GALNT13: variants seen among roughly 807,000 people sequenced by gnomAD.
GALNT13 encodes the protein polypeptide N-acetylgalactosaminyltransferase 13.
A neutral mutation model predicts 64.2 loss-of-function variants in GALNT13; 28 were observed. The observed-to-expected ratio is 0.44, with a 90% confidence interval of 0.32 to 0.60. The LOEUF (loss-of-function observed/expected upper bound fraction) is 0.60, where lower values mean the gene tolerates loss of function less well. GALNT13 is among the 20% of genes least tolerant of loss of function. The pLI is 0.05. For synonymous variants in GALNT13, 214 were observed against 224.6 expected (o/e 0.95, Z 0.42); for missense variants, 577 against 669.8 (o/e 0.86, Z 1.53).
At chr2:153,554,225 G>T in the GALNT13 span, among the ~76,000 whole-genome samples, 1 of 151,984 alleles carries the variant, frequency 6.6e-6, no homozygotes, top group Non-Finnish European at 1.5e-5. Context: ...TACTGGGGAG[G>T]CTGAGGCAGG....
At chr2:153,927,210 CAAAG>C (rs1193099120) in intron 2 of GALNT13, among the ~76,000 whole-genome samples, 8 of 151,904 alleles carry the variant, frequency 5.3e-5, no homozygotes, top group Non-Finnish European at 8.8e-5. Flanking sequence ...TTTCTATCTG[CAAAG>C]AAAGAAAGGA....
the GALNT13 span, among the ~76,000 whole-genome samples, chr2:153,573,120 T>C: frequency 1.3e-5 from 2 of 152,172 alleles, no homozygotes; most frequent in Admixed American, 1.3e-4. Flanking sequence ...ATCTGAGTGC[T>C]CCAGTGTTGG....
chr2:153,461,657 T>C, the GALNT13 span, among the ~76,000 whole-genome samples: 4 of 152,040 alleles, frequency 2.6e-5, no homozygotes, highest in Admixed American at 2.0e-4. Flanking sequence ...TCATAATACA[T>C]CTCCTCTGTC....
At chr2:153,731,136 G>A in the GALNT13 span, among the ~76,000 whole-genome samples, 1 of 151,560 alleles carries the variant, frequency 6.6e-6, no homozygotes, top group Non-Finnish European at 1.5e-5. Context: ...ACATATATGT[G>A]TGTCATTTAT....
At chr2:153,771,048 A>G in the GALNT13 span, among the ~76,000 whole-genome samples, 1 of 152,176 alleles carries the variant, frequency 6.6e-6, no homozygotes, top group Non-Finnish European at 1.5e-5. Flanking sequence ...AAAGAACACC[A>G]CTGCACTAAC....
chr2:153,129,603 T>C, the GALNT13 span, among the ~76,000 whole-genome samples: 1 of 152,116 alleles, frequency 6.6e-6, no homozygotes, highest in Non-Finnish European at 1.5e-5. Context: ...TGAAACCCTG[T>C]CTGTACTAAA....
chr2:153,232,194 G>A, the GALNT13 span, among the ~76,000 whole-genome samples: 2 of 152,184 alleles, frequency 1.3e-5, no homozygotes, highest in Non-Finnish European at 2.9e-5. Flanking sequence ...AATCCATGGT[G>A]AAGACTTAGA....
chr2:153,478,425 G>C, the GALNT13 span: 2 of 1,614,032 alleles, frequency 1.2e-6, no homozygotes, highest in Admixed American at 3.3e-5. Flanking sequence ...GGCTACGCTC[G>C]TCCGGGCCTC....
chr2:153,467,638 A>G, the GALNT13 span, among the ~76,000 whole-genome samples: 1 of 152,220 alleles, frequency 6.6e-6, no homozygotes, highest in Non-Finnish European at 1.5e-5. Flanking sequence ...TAACTTCTAG[A>G]ATTACATCAC....
At chr2:153,393,966 ACACACACACACACACACACACACACC>A in the GALNT13 span, among the ~76,000 whole-genome samples, 1 of 109,740 alleles carries the variant, frequency 9.1e-6, no homozygotes. Context: ...ACACACACAC[ACACACACACACACACACACACACACC>A]CCCTATTGGT....
At chr2:153,119,325 C>T in the GALNT13 span, among the ~76,000 whole-genome samples, 1 of 152,074 alleles carries the variant, frequency 6.6e-6, no homozygotes, top group African/African-American at 2.4e-5. Flanking sequence ...TACCTTACCA[C>T]TTCTCAGTGT....
chr2:153,243,903 G>T, the GALNT13 span, among the ~76,000 whole-genome samples: 1 of 151,782 alleles, frequency 6.6e-6, no homozygotes, highest in South Asian at 2.1e-4. Context: ...AATTGTATAG[G>T]GTTCTAAAAG....
chr2:154,419,374 G>A (rs1700156245), intron 11 of GALNT13, among the ~76,000 whole-genome samples: 1 of 152,008 alleles, frequency 6.6e-6, no homozygotes. Context: ...TCTTTCTTAA[G>A]ATCTCTTAAA....
the GALNT13 span, among the ~76,000 whole-genome samples, chr2:153,401,351 T>C: frequency 6.6e-6 from 1 of 152,060 alleles, no homozygotes; most frequent in East Asian, 1.9e-4. Flanking sequence ...TCCAAGTAAG[T>C]GGTCAATTTT....
chr2:154,176,568 A>G (rs953283852), intron 4 of GALNT13, among the ~76,000 whole-genome samples: 4 of 152,064 alleles, frequency 2.6e-5, no homozygotes, highest in East Asian at 1.9e-4. Flanking sequence ...ATATAATTTA[A>G]TTAATAAATA....
At chr2:153,603,616 CTT>C in the GALNT13 span, among the ~76,000 whole-genome samples, 1 of 151,890 alleles carries the variant, frequency 6.6e-6, no homozygotes, top group Non-Finnish European at 1.5e-5. Context: ...GTACTATAGA[CTT>C]TGCTGTGAAA....
the GALNT13 span, among the ~76,000 whole-genome samples, chr2:153,747,422 G>GTTTTTTTTT: frequency 3.2e-5 from 3 of 93,750 alleles, no homozygotes; most frequent in Admixed American, 1.1e-4. Flanking sequence ...AGTGCCTTTG[G>GTTTTTTTTT]TTTTTTTTTT....
chr2:153,795,674 T>G, the GALNT13 span, among the ~76,000 whole-genome samples: 1 of 152,216 alleles, frequency 6.6e-6, no homozygotes, highest in Admixed American at 6.5e-5. Context: ...AGGTTACAAT[T>G]GATTCCTTGA....
intron 3 of GALNT13, among the ~76,000 whole-genome samples, chr2:153,957,882 C>T (rs1692682060): frequency 6.6e-6 from 1 of 152,138 alleles, no homozygotes; most frequent in Non-Finnish European, 1.5e-5. Flanking sequence ...ATTTGTAAGT[C>T]ATGATGAGTT....
Sources: allele counts gnomAD v4.1 joint callset (sites outside exome capture counted in the v4.1 genomes callset), GRCh38; gene constraint gnomAD v4.1.1; transcripts MANE v1.5; gene names NCBI Gene and HGNC (gene_info 2026-07-23, HGNC 2026-07-21).